Variants in MSL3 observed in about 807,000 individuals in gnomAD.
The protein encoded by MSL3 is MSL3-like 1.
In MSL3, 5 loss-of-function variants were observed where a neutral mutation model predicts 37.2. The observed-to-expected ratio is 0.13, with a 90% confidence interval of 0.07 to 0.28. MSL3 has a LOEUF of 0.28. Ranked by LOEUF, MSL3 falls within the 10% of genes least tolerant of loss-of-function variation. MSL3 has a pLI of 1.00. For missense variants in MSL3, 315 were observed against 408.5 expected, an observed-to-expected ratio of 0.77 and a Z score of 1.97; for synonymous variants, 149 against 147.6, an observed-to-expected ratio of 1.01 and a Z score of -0.07.
chrX:11,765,343 C>T lies in MSL3; in HGVS notation c.909-124C>T. On this transcript the variant is annotated intron_variant, in intron 8 of 12. Coordinates refer to ENST00000312196, the MANE Select transcript of MSL3 (RefSeq NM_078629.4). ...TGCCTTGCAGAGTTATGGAGAGGGT[C>T]CAAGTGACTTCGGTACATATTTACG... The T allele has an allele frequency of 8.5e-6, 7 of 827,334 alleles. No homozygotes were observed. In the South Asian group the frequency reaches 1.7e-4, roughly 20 times the overall value. The allele number at this position is 827,334 out of a possible 1,213,427, so 68.2% of individuals were successfully genotyped here.
chrX:11,758,754 G>T (rs1327293608), intron 1 of MSL3: 4 of 1,164,953 alleles, frequency 3.4e-6, no homozygotes, highest in Non-Finnish European at 3.4e-6. Flanking sequence ...CCTGTGGGAC[G>T]CCCTGGCCGT....
intron 10 of MSL3, among the ~76,000 whole-genome samples, chrX:11,771,414 C>CT (rs1211686158): frequency 8.9e-6 from 1 of 112,801 alleles, no homozygotes; most frequent in Non-Finnish European, 1.9e-5. Flanking sequence ...GGTTTGAAGT[C>CT]TATTTCAGTT....
chrX:11,765,367 C>T (rs1196179880), intron 8 of MSL3, 100 bp from the exon 9 acceptor site: 19 of 1,014,093 alleles, frequency 1.9e-5, no homozygotes, highest in Non-Finnish European at 2.4e-5. Flanking sequence ...TACATATTTA[C>T]GACCCTCCTG....
intron 8 of MSL3, among the ~76,000 whole-genome samples, chrX:11,765,216 A>G (rs2053169011): frequency 8.9e-6 from 1 of 112,163 alleles, no homozygotes; most frequent in African/African-American, 3.2e-5. Flanking sequence ...AATTGTCTCC[A>G]GACATTGCCA....
intron 10 of MSL3, among the ~76,000 whole-genome samples, chrX:11,770,379 C>T (rs2053222269): frequency 8.9e-6 from 1 of 111,823 alleles, no homozygotes; most frequent in African/African-American, 3.3e-5. Context: ...GAGGGGAAAT[C>T]GTGAATTTAA....
chrX:11,759,546 T>C, intron 1 of MSL3: 3 of 961,891 alleles, frequency 3.1e-6, no homozygotes, highest in Non-Finnish European at 4.0e-6. Flanking sequence ...GGCTGGCCAA[T>C]GGCTTCAGAA....
At position 11,773,486 on chromosome X, in the gene MSL3, G is replaced by A. The variant is rs180700823; in HGVS notation, c.1466+781G>A. 5.3e-3 allele frequency among the ~76,000 whole-genome samples: 591 copies of A among 112,033 alleles called. 4 individuals are homozygous for A. Among genetic ancestry groups the A allele is most frequent in the Middle Eastern group, 0.014 (3 of 219 alleles). On this transcript the variant is annotated intron_variant, in intron 12 of 12. Transcript: ENST00000312196. ...GGAGAGTATCCCAGCCAGGGAAATC[G>A]TCTTGTGGTTTTAAGAGATCCTTTC...
intron 1 of MSL3, among the ~76,000 whole-genome samples, chrX:11,758,978 A>T (rs749675257): frequency 7.1e-5 from 8 of 111,956 alleles, no homozygotes; most frequent in African/African-American, 9.8e-5. Flanking sequence ...ACCATAGTTG[A>T]TGGGAATCGC....
chrX:11,761,413 G>A lies in MSL3; in HGVS notation c.383-87G>A, dbSNP rs1412731974. 1.8e-5 allele frequency: 9 copies of A among 487,777 alleles called. No individual in the cohort carries two copies. The East Asian group carries it at 3.4e-4, about 19-fold the overall frequency. 40.2% of individuals were successfully genotyped at this position (487,777 alleles called of 1,213,427 possible). A position where few individuals can be genotyped will look rare whatever the true frequency, so the allele number is the denominator to read the frequency against. On this transcript the variant is annotated intron_variant, in intron 4 of 12. Transcript: ENST00000312196. ...GAATTGCAGTTTATTATTTCCAGTA[G>A]CACCCACACTACACGTGAAGATCTG...
intron 9 of MSL3, chrX:11,766,684 C>T (rs961128613): frequency 2.7e-5 from 20 of 753,097 alleles, no homozygotes; most frequent in Non-Finnish European, 2.7e-5. Context: ...AAGTCAGCAG[C>T]AGGGGAGGCA....
chrX:11,765,553 C>T lies in MSL3; in HGVS notation c.995C>T (p.Pro332Leu). Residue 332 changes from proline to leucine, a missense_variant, in exon 9 of 13, where the codon CCA becomes CTA. Transcript: ENST00000312196. ...GAGAGTCAGCCGACCACCGGTGAAC[C>T]AGCCACCCCCAAAAGGCGCAAAGCT... Reference protein sequence around the residue: ...STESQPTTGEPATPKRRKAEP... With the variant: ...STESQPTTGELATPKRRKAEP... 8.3e-7 allele frequency: 1 copy of T among 1,211,290 alleles called. No homozygotes were observed. The highest frequency in any genetic ancestry group is 1.1e-6 in the Non-Finnish European group (1 of 895,317).
At chrX:11,761,779 C>A (rs929089230) in intron 5 of MSL3, among the ~76,000 whole-genome samples, 197 bp downstream of exon 5, 43 of 111,790 alleles carry the variant, frequency 3.8e-4, no homozygotes, top group African/African-American at 1.4e-3. Flanking sequence ...GCTCTTTATG[C>A]CCCTAAAATG....
chrX:11,764,255 G>A, intron 8 of MSL3: 1 of 167,578 alleles, frequency 6.0e-6, no homozygotes, highest in Non-Finnish European at 1.1e-5. Context: ...GGTGGAAGGG[G>A]CAGGTTTGAA....
intron 10 of MSL3, among the ~76,000 whole-genome samples, chrX:11,769,307 C>T (rs1324966915): frequency 8.9e-6 from 1 of 112,389 alleles, no homozygotes; most frequent in East Asian, 2.8e-4. Flanking sequence ...ATAGCCGTCC[C>T]TTCAGGGATG....
chrX:11,769,608 C>CT (rs1360780418), intron 10 of MSL3, among the ~76,000 whole-genome samples: 2 of 110,684 alleles, frequency 1.8e-5, no homozygotes, highest in Non-Finnish European at 3.8e-5. Context: ...ACATTTTTTT[C>CT]TTTTTTTGAC....
In MSL3 at chrX:11,762,851, A is replaced by G. The variant is rs2053144934; in HGVS notation, c.603A>G (p.Pro201=). ...TTTGTTAACAGTTAGTGAAACTTCC[A>G]TGCCAGACCAACATCATAACGATTT... ...INRRKRLVKL[P]CQTNIITILE... Residue 201 remains proline (P), a synonymous_variant, in exon 7 of 13, where the codon CCA becomes CCG. Coordinates refer to ENST00000312196, the MANE Select transcript of MSL3 (RefSeq NM_078629.4). 2.5e-6 allele frequency: 3 copies of G among 1,208,706 alleles called. No homozygotes were observed. The highest frequency in any genetic ancestry group is 3.4e-6 in the Non-Finnish European group (3 of 894,131).
At chrX:11,772,082 C>T in intron 10 of MSL3, 74 bp from the exon 11 acceptor site, 1 of 698,071 alleles carries the variant, frequency 1.4e-6, no homozygotes, top group Non-Finnish European at 2.2e-6. Flanking sequence ...GTACAATTTA[C>T]TGTCATAATT....
Position 11,763,891 on chromosome X carries a change from G to A in MSL3, c.861G>A (p.Ser287=), listed in dbSNP as rs2053156152. ...YEQAQYKKVT[S]SKFFLPIKES... ...AAGCTCAGTATAAAAAGGTGACTTCGTCTAAATTTTTTCTTCCAATTAAGG... is the reference window on the plus strand; with the variant it reads ...AAGCTCAGTATAAAAAGGTGACTTCATCTAAATTTTTTCTTCCAATTAAGG... Residue 287 remains serine (S), a synonymous_variant, in exon 8 of 13, where the codon TCG becomes TCA. Coordinates refer to ENST00000312196, the MANE Select transcript of MSL3 (RefSeq NM_078629.4). The A allele has an allele frequency of 7.5e-6, 9 of 1,208,052 alleles. No homozygotes were observed. The highest frequency in any genetic ancestry group is 5.3e-5 in the African/African-American group (3 of 57,134).
At chrX:11,760,152 C>T in intron 2 of MSL3, 1 of 373,295 alleles carries the variant, frequency 2.7e-6, no homozygotes. Context: ...CCAGAACTTG[C>T]CTATTGTGAC....
Sources: gnomAD v4.1 joint callset for allele counts (sites outside exome capture counted in the v4.1 genomes callset) on GRCh38, gnomAD v4.1.1 for gene constraint, MANE v1.5 for transcripts, NCBI Gene and HGNC (gene_info 2026-07-23, HGNC 2026-07-21) for gene names.